The following NRG2 variants were observed in gnomAD, a reference collection of about 807,000 sequenced individuals.
NRG2 encodes the protein pro-neuregulin-2, membrane-bound isoform.
In NRG2, 27 loss-of-function variants were observed where a neutral mutation model predicts 73.9. That is an observed-to-expected ratio of 0.37 (90% CI 0.27 to 0.50). The LOEUF is 0.50. Among genes scored for constraint, NRG2 ranks in the 20% least tolerant of loss-of-function variants. The pLI is 0.96. For synonymous variants in NRG2, 532 were observed against 541.0 expected, an observed-to-expected ratio of 0.98 and a Z score of 0.23; for missense variants, 1,126 against 1,210.1, an observed-to-expected ratio of 0.93 and a Z score of 1.03.
intron 1 of NRG2, among the ~76,000 whole-genome samples, chr5:139,990,900 C>G (rs866745047): frequency 6.6e-5 from 10 of 152,156 alleles, no homozygotes; most frequent in Admixed American, 2.0e-4. Flanking sequence ...AACACTAATC[C>G]TTTGCTGGTT....
At chr5:139,926,787 T>G (rs73791246) in intron 1 of NRG2, among the ~76,000 whole-genome samples, 2,573 of 152,322 alleles carry the variant, frequency 0.017, 71 homozygotes, top group African/African-American at 0.059. Flanking sequence ...TGTTGTCTTG[T>G]TTGGGTGCAA....
intron 1 of NRG2, among the ~76,000 whole-genome samples, chr5:140,021,036 A>G (rs1382943236): frequency 6.6e-6 from 1 of 152,220 alleles, no homozygotes; most frequent in East Asian, 1.9e-4. Flanking sequence ...GCACTCTCAG[A>G]GCATTAATCT....
At chr5:139,990,048 A>C (rs1478863098) in intron 1 of NRG2, among the ~76,000 whole-genome samples, 1 of 151,736 alleles carries the variant, frequency 6.6e-6, no homozygotes, top group Non-Finnish European at 1.5e-5. Context: ...TCGGCCTCCC[A>C]AAGTGCTGGG....
intron 4 of NRG2, among the ~76,000 whole-genome samples, chr5:139,866,373 G>A (rs1014710711): frequency 1.3e-5 from 2 of 152,194 alleles, no homozygotes; most frequent in Non-Finnish European, 2.9e-5. Flanking sequence ...CACCATGGAT[G>A]TTGTTTTTTG....
intron 1 of NRG2, among the ~76,000 whole-genome samples, chr5:139,923,544 CT>C (rs1751835490): frequency 1.3e-5 from 2 of 152,174 alleles, no homozygotes; most frequent in Non-Finnish European, 2.9e-5. Context: ...ACTCTGGAGC[CT>C]AGTTTCCTTC....
intron 1 of NRG2, among the ~76,000 whole-genome samples, chr5:139,895,470 TTCTTA>T (rs1357622461): frequency 6.6e-6 from 1 of 152,132 alleles, no homozygotes; most frequent in Non-Finnish European, 1.5e-5. Context: ...TCTCCCTGGG[TTCTTA>T]GCAGTGCTTG....
chr5:139,951,371 G>A (rs1036319410), intron 1 of NRG2, among the ~76,000 whole-genome samples: 1 of 152,326 alleles, frequency 6.6e-6, no homozygotes, highest in East Asian at 1.9e-4. Context: ...CAAGCCCAGG[G>A]CAGTCAAATG....
At chr5:140,018,403 C>CTAAAGTATGGTAA (rs1275116794) in intron 1 of NRG2, among the ~76,000 whole-genome samples, 1 of 152,168 alleles carries the variant, frequency 6.6e-6, no homozygotes, top group African/African-American at 2.4e-5. Flanking sequence ...CCTCACCACT[C>CTAAAGTATGGTAA]CTTCGTATGG....
intron 1 of NRG2, among the ~76,000 whole-genome samples, chr5:139,950,292 A>G (rs1754105426): frequency 6.6e-6 from 1 of 152,202 alleles, no homozygotes. Context: ...ACTTCAGGGG[A>G]GAGCTGGAGG....
intron 1 of NRG2, among the ~76,000 whole-genome samples, chr5:140,036,552 G>T (rs751064093): frequency 6.6e-6 from 1 of 152,134 alleles, no homozygotes; most frequent in Non-Finnish European, 1.5e-5. Context: ...CACTTCTACC[G>T]ATTAATTCAT....
chr5:139,897,707 G>A (rs1764633327), intron 1 of NRG2, among the ~76,000 whole-genome samples: 1 of 152,116 alleles, frequency 6.6e-6, no homozygotes, highest in Non-Finnish European at 1.5e-5. Flanking sequence ...GTGAGCACTC[G>A]CTGGAGGGTG....
At chr5:139,973,204 T>A (rs1468423479) in intron 1 of NRG2, among the ~76,000 whole-genome samples, 1 of 140,220 alleles carries the variant, frequency 7.1e-6, no homozygotes, top group Non-Finnish European at 1.6e-5. Context: ...GCAACTGGCA[T>A]AATAAAAAAT....
intron 1 of NRG2, among the ~76,000 whole-genome samples, chr5:139,980,304 T>G (rs1164513193): frequency 6.6e-6 from 1 of 151,714 alleles, no homozygotes; most frequent in Non-Finnish European, 1.5e-5. Context: ...CCCCAGCTCT[T>G]TGGGAGATTT....
At position 139,868,546 on chromosome 5, in the gene NRG2, G is replaced by C. The variant is rs1488753163; in HGVS notation, c.1113-2921C>G. Among the ~76,000 whole-genome samples, 1 of 152,062 alleles carries C rather than the reference G, an allele frequency of 6.6e-6. No individual in the cohort carries two copies. The highest frequency in any genetic ancestry group is 1.5e-5 in the Non-Finnish European group (1 of 67,994). ...TGACTCTGGGGAAGGTCTGTCCCCA[G>C]GGCTGGAGAAGAGCAGGGTGAGAGA... On this transcript the variant is annotated intron_variant, in intron 4 of 9. Coordinates refer to ENST00000361474, the MANE Select transcript of NRG2 (RefSeq NM_004883.3). The surrounding 1 kb of genome is among the most constrained non-coding windows in gnomAD (Gnocchi z 4.2).
intron 1 of NRG2, among the ~76,000 whole-genome samples, chr5:139,959,674 C>CTT (rs375590738): frequency 2.7e-4 from 40 of 149,216 alleles, no homozygotes; most frequent in African/African-American, 9.6e-4. Flanking sequence ...CCGCGCCTGG[C>CTT]TTTTTTTTTT....
At chr5:139,970,798 C>T (rs190972106) in intron 1 of NRG2, among the ~76,000 whole-genome samples, 1 of 152,322 alleles carries the variant, frequency 6.6e-6, no homozygotes, top group Non-Finnish European at 1.5e-5. Context: ...AAAAATCAGA[C>T]AGAAAAGGCA....
At position 139,869,746 on chromosome 5, in the gene NRG2, C is replaced by A. The variant is rs529477314; in HGVS notation, c.1112+1975G>T. The A allele has an allele frequency of 2.6e-5, 4 of 152,312 alleles. No individual in the cohort carries two copies. Among genetic ancestry groups the A allele is most frequent in the African/African-American group, 9.6e-5 (4 of 41,468 alleles). The allele number at this position is 152,312 out of a possible 1,614,324, so 9.4% of individuals were successfully genotyped here. A position where few individuals can be genotyped will look rare whatever the true frequency, so the allele number is the denominator to read the frequency against. On this transcript the variant is annotated intron_variant, in intron 4 of 9. Transcript: ENST00000361474. This position sits in a 1 kb window ranked among gnomAD's most constrained non-coding sequence, Gnocchi z 4.5. ...GGTGGGAAAGGGAACAGGGCACCATCTTCACAATGGCTCAGGCTCCTGCCT... is the reference window on the plus strand; with the variant it reads ...GGTGGGAAAGGGAACAGGGCACCATATTCACAATGGCTCAGGCTCCTGCCT...
intron 1 of NRG2, among the ~76,000 whole-genome samples, chr5:139,960,039 C>G (rs1483101840): frequency 6.6e-6 from 1 of 152,184 alleles, no homozygotes; most frequent in Admixed American, 6.5e-5. Context: ...CACAACATCC[C>G]TATAACCAAG....
At chr5:139,902,811 G>C (rs1236720838) in intron 1 of NRG2, among the ~76,000 whole-genome samples, 1 of 152,174 alleles carries the variant, frequency 6.6e-6, no homozygotes, top group Non-Finnish European at 1.5e-5. Flanking sequence ...TCTCAGTTTG[G>C]GAGCTCATCC....
Sources: gnomAD v4.1 joint callset for allele counts (sites outside exome capture counted in the v4.1 genomes callset) on GRCh38, gnomAD v4.1.1 for gene constraint, Gnocchi (gnomAD v3.1) non-coding constraint, MANE v1.5 for transcripts, NCBI Gene and HGNC (gene_info 2026-07-23, HGNC 2026-07-21) for gene names.